The following GFOD2 variants were observed in gnomAD, a reference collection of about 807,000 sequenced individuals.
GFOD2 encodes the protein glucose-fructose oxidoreductase domain-containing protein 2.
Under a neutral mutation model 24.6 loss-of-function variants are expected in GFOD2, and 9 were observed. The observed-to-expected ratio is 0.37, with a 90% CI of 0.22 to 0.64. GFOD2 has a LOEUF of 0.64. Among genes scored for constraint, GFOD2 ranks in the 30% least tolerant of loss-of-function variants. The pLI is 0.65. For missense variants in GFOD2, 476 were observed against 532.5 expected (o/e 0.89, Z 1.04); for synonymous variants, 211 against 224.8 (o/e 0.94, Z 0.55).
At position 67,675,499 on chromosome 16, in the gene GFOD2, T is replaced by A; in HGVS notation, c.814A>T (p.Asn272Tyr). The change falls in exon 3 of 3, where the codon AAC (asparagine) becomes TAC (tyrosine). Residue 272 changes from asparagine (N) to tyrosine (Y), a missense_variant. Physicochemically the swap from Asn to Tyr is moderately radical, Grantham distance 143. Coordinates refer to ENST00000268797, the MANE Select transcript of GFOD2 (RefSeq NM_030819.4). ...ARGADLYGQK[N>Y]SATQEELLLR... ...AGCAGCTCCTCTTGCGTGGCAGAGT[T>A]CTTCTGCCCATAGAGGTCGGCTCCC... The A allele has an allele frequency of 6.2e-7, 1 of 1,612,342 alleles. No individual in the cohort carries two copies. The highest frequency in any genetic ancestry group is 8.5e-7 in the Non-Finnish European group (1 of 1,179,990).
In GFOD2 at chr16:67,674,864, C is replaced by A. The variant is rs1489198066; in HGVS notation, c.*291G>T. The A allele has an allele frequency of 1.2e-5, 5 of 414,986 alleles. No individual in the cohort carries two copies. The highest frequency in any genetic ancestry group is 2.2e-5 in the Non-Finnish European group (5 of 229,690). The allele number at this position is 414,986 out of a possible 1,614,324, so 25.7% of individuals were successfully genotyped here. On this transcript the variant is annotated 3_prime_UTR_variant, in exon 3 of 3. Coordinates refer to ENST00000268797, the MANE Select transcript of GFOD2 (RefSeq NM_030819.4). ...GACTGCGGATCAGGCTGAAGGGCTCCCCAGGGTGAGCCTTTCCTGGTCCGA... is the reference window on the plus strand; with the variant it reads ...GACTGCGGATCAGGCTGAAGGGCTCACCAGGGTGAGCCTTTCCTGGTCCGA...
At chr16:67,701,609 T>C (rs1169866703) in intron 1 of GFOD2, among the ~76,000 whole-genome samples, 1 of 152,142 alleles carries the variant, frequency 6.6e-6, no homozygotes, top group Non-Finnish European at 1.5e-5. Flanking sequence ...GGGCTAAGTG[T>C]AGACAACAAA....
At chr16:67,711,955 G>A (rs569567980) in intron 1 of GFOD2, among the ~76,000 whole-genome samples, 1 of 152,114 alleles carries the variant, frequency 6.6e-6, no homozygotes, top group East Asian at 1.9e-4. Context: ...AGAAACAGGT[G>A]TATTCTTCCA....
rs569398398 is a variant in GFOD2 at position 67,705,714 on chromosome 16, G to A, written c.-88+13449C>T. On this transcript the variant is annotated intron_variant, in intron 1 of 2. Coordinates refer to ENST00000268797, the MANE Select transcript of GFOD2 (RefSeq NM_030819.4). ...AGCACTTTGGGAGGCCAAGGCGGGC[G>A]GATCACTTGAGGTCAGGAGTGCGAG... Among the ~76,000 whole-genome samples the A allele has an allele frequency of 1.1e-4, 16 of 152,032 alleles. No individual in the cohort carries two copies. The South Asian group carries it at 1.7e-3, about 16-fold the overall frequency.
intron 1 of GFOD2, among the ~76,000 whole-genome samples, chr16:67,688,964 C>T (rs2053290117): frequency 6.6e-6 from 1 of 151,678 alleles, no homozygotes; most frequent in Non-Finnish European, 1.5e-5. Flanking sequence ...TGGTCTCGAT[C>T]TCCTGACCTT....
Position 67,674,955 on chromosome 16 carries a change from C to A in GFOD2, c.*200G>T, listed in dbSNP as rs1275841932. On this transcript the variant is annotated 3_prime_UTR_variant, in exon 3 of 3. Transcript: ENST00000268797. ...CCCTGTGCACACCGTGGTAACCTGG[C>A]AACAGGAACATTTGCCACCCTGCAA... is the stretch of plus-strand genomic sequence containing the variant. The A allele has an allele frequency of 1.6e-5, 10 of 621,470 alleles. No individual in the cohort carries two copies. Among genetic ancestry groups the A allele is most frequent in the Non-Finnish European group, 2.8e-5 (10 of 358,808 alleles). The allele number at this position is 621,470 out of a possible 1,614,324, so 38.5% of individuals were successfully genotyped here. A position where few individuals can be genotyped will look rare whatever the true frequency, so the allele number is the denominator to read the frequency against.
At chr16:67,692,939 A>G (rs1180339843) in intron 1 of GFOD2, among the ~76,000 whole-genome samples, 1 of 151,678 alleles carries the variant, frequency 6.6e-6, no homozygotes, top group African/African-American at 2.4e-5. Context: ...CTGAGGCGGG[A>G]GAATGGCGTG....
intron 1 of GFOD2, among the ~76,000 whole-genome samples, chr16:67,703,382 A>C (rs111820418): frequency 0.14 from 21,337 of 152,134 alleles, 1,742 homozygotes; most frequent in African/African-American, 0.22. Context: ...TAGCCTGGGC[A>C]ACAAGAGCAA....
At chr16:67,701,704 C>T (rs2053403628) in intron 1 of GFOD2, among the ~76,000 whole-genome samples, 1 of 150,536 alleles carries the variant, frequency 6.6e-6, no homozygotes, top group South Asian at 2.1e-4. Flanking sequence ...TTTGTCAAAA[C>T]TGATAGCACA....
rs191249550 is a variant in GFOD2 at position 67,702,859 on chromosome 16, A to C, written c.-88+16304T>G. Among the ~76,000 whole-genome samples, 677 of 151,974 alleles carry C rather than the reference A, an allele frequency of 4.5e-3. 6 individuals carry two copies. Among genetic ancestry groups the C allele is most frequent in the African/African-American group, 0.015 (631 of 41,482 alleles). ...ATGATCTGCCTGCCTCGGCCTCCCA[A>C]AGTGCTGGGATTACAGGAGTAAGAC... On this transcript the variant is annotated intron_variant, in intron 1 of 2. Coordinates refer to ENST00000268797, the MANE Select transcript of GFOD2 (RefSeq NM_030819.4).
At chr16:67,682,041 TTTTC>T in intron 2 of GFOD2, 5 of 276,776 alleles carry the variant, frequency 1.8e-5, no homozygotes, top group Non-Finnish European at 2.7e-5. Context: ...TTTACTTTTC[TTTTC>T]TTTTTTTTTT....
intron 1 of GFOD2, among the ~76,000 whole-genome samples, chr16:67,696,088 A>G (rs1211677166): frequency 6.7e-6 from 1 of 150,014 alleles, no homozygotes; most frequent in South Asian, 2.1e-4. Flanking sequence ...ATCTCGGCTC[A>G]CTGCAACCTC....
At chr16:67,691,917 C>T (rs952505861) in intron 1 of GFOD2, among the ~76,000 whole-genome samples, 1 of 152,138 alleles carries the variant, frequency 6.6e-6, no homozygotes, top group East Asian at 1.9e-4. Flanking sequence ...TCACGTGCTA[C>T]TGATAGTGAT....
chr16:67,709,366 T>C (rs948757670), intron 1 of GFOD2, among the ~76,000 whole-genome samples: 1 of 152,090 alleles, frequency 6.6e-6, no homozygotes, highest in Non-Finnish European at 1.5e-5. Flanking sequence ...GGTGCTTGTG[T>C]ATAAAATGAC....
intron 1 of GFOD2, among the ~76,000 whole-genome samples, chr16:67,697,191 G>T (rs2053365284): frequency 6.6e-6 from 1 of 152,170 alleles, no homozygotes; most frequent in Non-Finnish European, 1.5e-5. Flanking sequence ...GTGACCTCAG[G>T]TAAGTCCTTT....
chr16:67,705,474 C>A (rs1376383552), intron 1 of GFOD2, among the ~76,000 whole-genome samples: 1 of 152,182 alleles, frequency 6.6e-6, no homozygotes, highest in Non-Finnish European at 1.5e-5. Context: ...CCGCAAAGTG[C>A]TGAGAACACA....
chr16:67,695,913 T>C (rs1041052804), intron 1 of GFOD2, among the ~76,000 whole-genome samples: 5 of 152,142 alleles, frequency 3.3e-5, no homozygotes, highest in African/African-American at 4.8e-5. Flanking sequence ...TCTAAATTCA[T>C]GCCCAGGGCA....
intron 1 of GFOD2, among the ~76,000 whole-genome samples, chr16:67,705,320 G>A (rs2053431453): frequency 6.6e-6 from 1 of 152,098 alleles, no homozygotes; most frequent in South Asian, 2.1e-4. Context: ...CAATTCCCCT[G>A]CCTCAGCCTC....
chr16:67,711,252 A>G (rs2053471125), intron 1 of GFOD2, among the ~76,000 whole-genome samples: 1 of 152,202 alleles, frequency 6.6e-6, no homozygotes, highest in Non-Finnish European at 1.5e-5. Context: ...GTCAAATACA[A>G]TTAAATCCAG....
Sources: allele counts gnomAD v4.1 joint callset (sites outside exome capture counted in the v4.1 genomes callset), GRCh38; gene constraint gnomAD v4.1.1; transcripts MANE v1.5; gene names NCBI Gene and HGNC (gene_info 2026-07-23, HGNC 2026-07-21).